The following SLC39A11 variants were observed in gnomAD, a reference collection of about 807,000 sequenced individuals.
SLC39A11 encodes solute carrier family 39 member 11, also known as zinc transporter ZIP11.
SLC39A11 carries 33 observed loss-of-function variants against 36.1 expected under a neutral mutation model. That is an observed-to-expected ratio of 0.91 (90% confidence interval 0.69 to 1.22). SLC39A11 has a LOEUF of 1.22. Ranked by LOEUF, SLC39A11 falls within the 50% of genes most tolerant of loss-of-function variation. The pLI is 0.00. For missense variants in SLC39A11, 432 were observed against 430.3 expected (o/e 1.00, Z -0.03); for synonymous variants, 166 against 170.3 (o/e 0.97, Z 0.20).
intron 4 of SLC39A11, among the ~76,000 whole-genome samples, chr17:72,965,131 G>A (rs2086876076): frequency 6.6e-6 from 1 of 152,084 alleles, no homozygotes; most frequent in African/African-American, 2.4e-5. Context: ...AAAGCATTAG[G>A]AGATATACCT....
At chr17:72,916,387 G>A (rs2083335807) in intron 5 of SLC39A11, among the ~76,000 whole-genome samples, 1 of 152,056 alleles carries the variant, frequency 6.6e-6, no homozygotes, top group South Asian at 2.1e-4. Context: ...TTCCTCCAAT[G>A]AGCACAGCTG....
chr17:73,091,153 C>T (rs1037609583), intron 1 of SLC39A11, among the ~76,000 whole-genome samples: 10 of 152,150 alleles, frequency 6.6e-5, no homozygotes, highest in Non-Finnish European at 1.2e-4. Flanking sequence ...CTTGGCCAGG[C>T]GCAGTGGCTC....
At chr17:72,920,519 C>A (rs532388186) in intron 5 of SLC39A11, among the ~76,000 whole-genome samples, 260 of 151,718 alleles carry the variant, frequency 1.7e-3, no homozygotes, top group Middle Eastern at 3.4e-3. Context: ...TATAGAAATG[C>A]CACCTTCTCA....
At chr17:72,750,056 T>C (rs936947621) in intron 6 of SLC39A11, among the ~76,000 whole-genome samples, 2 of 152,140 alleles carry the variant, frequency 1.3e-5, no homozygotes, top group Non-Finnish European at 2.9e-5. Flanking sequence ...TGGGGATTCC[T>C]GGGGCAAGGC....
At chr17:72,678,010 G>A (rs2071349691) in intron 7 of SLC39A11, among the ~76,000 whole-genome samples, 1 of 152,168 alleles carries the variant, frequency 6.6e-6, no homozygotes, top group Non-Finnish European at 1.5e-5. Context: ...TTCCCTTGAG[G>A]ATCTCGGAAG....
chr17:72,803,511 A>G (rs759185271), intron 6 of SLC39A11, among the ~76,000 whole-genome samples: 13 of 152,220 alleles, frequency 8.5e-5, no homozygotes, highest in Non-Finnish European at 1.9e-4. Flanking sequence ...TGTGTGGACC[A>G]TTGAGCTCTA....
chr17:72,747,042 G>A (rs1568023545), intron 6 of SLC39A11, among the ~76,000 whole-genome samples: 1 of 152,134 alleles, frequency 6.6e-6, no homozygotes, highest in East Asian at 1.9e-4. Flanking sequence ...GCGAGACTCT[G>A]GCTCTAATTT....
intron 7 of SLC39A11, among the ~76,000 whole-genome samples, chr17:72,673,470 A>C (rs531260449): frequency 6.6e-6 from 1 of 152,240 alleles, no homozygotes; most frequent in Non-Finnish European, 1.5e-5. Flanking sequence ...AATGTATCTT[A>C]TTTATTTAAT....
At chr17:72,785,035 T>G (rs1394485427) in intron 6 of SLC39A11, among the ~76,000 whole-genome samples, 2 of 151,944 alleles carry the variant, frequency 1.3e-5, no homozygotes, top group Admixed American at 6.6e-5. Flanking sequence ...GCTTGGCTAA[T>G]TTTTGTATTT....
intron 4 of SLC39A11, among the ~76,000 whole-genome samples, chr17:73,030,608 T>C (rs1281516282): frequency 1.3e-5 from 2 of 152,078 alleles, no homozygotes; most frequent in East Asian, 1.9e-4. Context: ...CTCCAGAGAG[T>C]TCTCCCTGCA....
At position 72,715,022 on chromosome 17, in the gene SLC39A11, C is replaced by T. The variant is rs538147599; in HGVS notation, c.671+21628G>A. On this transcript the variant is annotated intron_variant, in intron 7 of 9. Coordinates refer to ENST00000255559, the MANE Select transcript of SLC39A11 (RefSeq NM_139177.4). ...CCTTCACGCTCACAATTTTTCCTCTCGTGATGTCTATTCTCACTCAGGGCC... is the reference window on the plus strand; with the variant it reads ...CCTTCACGCTCACAATTTTTCCTCTTGTGATGTCTATTCTCACTCAGGGCC... 3.9e-5 allele frequency among the ~76,000 whole-genome samples: 6 copies of T among 152,318 alleles called. No individual in the cohort carries two copies. The East Asian group carries it at 9.7e-4, about 25-fold the overall frequency.
intron 5 of SLC39A11, among the ~76,000 whole-genome samples, chr17:72,941,603 G>A (rs2085103756): frequency 6.7e-6 from 1 of 150,084 alleles, no homozygotes; most frequent in Non-Finnish European, 1.5e-5. Context: ...TGCTATTTGA[G>A]TGCTCCATAT....
At chr17:72,651,529 G>A (rs2069852136) in intron 7 of SLC39A11, among the ~76,000 whole-genome samples, 1 of 152,318 alleles carries the variant, frequency 6.6e-6, no homozygotes, top group South Asian at 2.1e-4. Flanking sequence ...TAGGGGACAT[G>A]GATATGTAAC....
intron 3 of SLC39A11, among the ~76,000 whole-genome samples, chr17:73,072,732 T>C (rs538784806): frequency 1.2e-3 from 187 of 152,214 alleles, no homozygotes; most frequent in Non-Finnish European, 2.2e-3. Flanking sequence ...AAACCACTAG[T>C]GTTTGGGGGC....
intron 4 of SLC39A11, among the ~76,000 whole-genome samples, chr17:73,019,888 C>T (rs182411653): frequency 6.6e-6 from 1 of 152,186 alleles, no homozygotes; most frequent in Admixed American, 6.5e-5. Flanking sequence ...TATAAAGACT[C>T]AGGTAAAGGT....
intron 5 of SLC39A11, among the ~76,000 whole-genome samples, chr17:72,914,867 C>CATAA (rs374560040): frequency 8.0e-5 from 12 of 149,434 alleles, no homozygotes; most frequent in African/African-American, 1.2e-4. Context: ...GACTCTGTCT[C>CATAA]ATAAATAAAT....
chr17:72,911,802 T>C (rs66715441), intron 5 of SLC39A11, among the ~76,000 whole-genome samples: 77,384 of 151,594 alleles, frequency 0.51, 19,695 homozygotes, highest in African/African-American at 0.53. Flanking sequence ...CATCACCATG[T>C]CCGGTTAATT....
At chr17:72,857,021 G>A (rs922467264) in intron 5 of SLC39A11, among the ~76,000 whole-genome samples, 1 of 152,136 alleles carries the variant, frequency 6.6e-6, no homozygotes, top group Admixed American at 6.5e-5. Flanking sequence ...ACATGTGCAG[G>A]TTTGTTATAC....
intron 3 of SLC39A11, among the ~76,000 whole-genome samples, chr17:73,059,165 G>C (rs903916502): frequency 3.9e-5 from 6 of 152,244 alleles, no homozygotes; most frequent in African/African-American, 1.4e-4. Context: ...TCTTGGTTTT[G>C]TACAATATAG....
Sources: gnomAD v4.1 joint callset for allele counts (sites outside exome capture counted in the v4.1 genomes callset) on GRCh38, gnomAD v4.1.1 for gene constraint, MANE v1.5 for transcripts, NCBI Gene and HGNC (gene_info 2026-07-23, HGNC 2026-07-21) for gene names.